Variants in SEMA4B observed in about 807,000 individuals in gnomAD.
The protein encoded by SEMA4B is semaphorin 4B, also known as semaphorin-4B.
Under a neutral mutation model 88.1 loss-of-function variants are expected in SEMA4B, and 55 were observed. The ratio of observed to expected loss-of-function variants is 0.62; its 90% CI spans 0.50 to 0.78. SEMA4B has a LOEUF of 0.78. Ranked by LOEUF, SEMA4B falls within the 30% of genes least tolerant of loss-of-function variation. The pLI, the probability that SEMA4B is intolerant of heterozygous loss-of-function variation, is 0.00. For synonymous variants in SEMA4B, 525 were observed against 473.6 expected, an observed-to-expected ratio of 1.11 and a Z score of -1.41; for missense variants, 1,062 against 1,111.9, an observed-to-expected ratio of 0.96 and a Z score of 0.64.
Position 90,206,422 on chromosome 15 carries a change from C to T in SEMA4B, c.157+4687C>T, listed in dbSNP as rs192381480. ...CCCTCCTCTTCACATTCTGACCTCCCTGTGCTGGATGTGGGACAGCTATCC... is the reference window on the plus strand; with the variant it reads ...CCCTCCTCTTCACATTCTGACCTCCTTGTGCTGGATGTGGGACAGCTATCC... On this transcript the variant is annotated intron_variant, in intron 1 of 13. Coordinates refer to ENST00000411539, the MANE Select transcript of SEMA4B (RefSeq NM_198925.4). The T allele has an allele frequency of 3.0e-4, 59 of 194,816 alleles. No homozygotes were observed. In the East Asian group the frequency reaches 7.1e-3, roughly 23 times the overall value. The allele number at this position is 194,816 out of a possible 1,614,324, so 12.1% of individuals were successfully genotyped here. A position where few individuals can be genotyped will look rare whatever the true frequency, so the allele number is the denominator to read the frequency against.
rs576507204 is a variant in SEMA4B, at chr15:90,211,663, G to A, written c.158-5776G>A. Among the ~76,000 whole-genome samples, 23 of 152,304 alleles carry A rather than the reference G, an allele frequency of 1.5e-4. No individual in the cohort carries two copies. In the East Asian group the frequency reaches 4.3e-3, roughly 28 times the overall value. ...CCCTGGAGGTGGGGCTGCTGCTGGGGTAAGTGGGTCCAAGGTTCTGGTGAC... is the reference window on the plus strand; with the variant it reads ...CCCTGGAGGTGGGGCTGCTGCTGGGATAAGTGGGTCCAAGGTTCTGGTGAC... On this transcript the variant is annotated intron_variant, in intron 1 of 13. Coordinates refer to ENST00000411539, the MANE Select transcript of SEMA4B (RefSeq NM_198925.4).
intron 11 of SEMA4B, 74 bp downstream of exon 11, chr15:90,225,471 C>G: frequency 7.2e-7 from 1 of 1,393,762 alleles, no homozygotes; most frequent in Non-Finnish European, 9.9e-7. Flanking sequence ...AGTCCCCACC[C>G]AGCTTCTCCT....
At chr15:90,221,154 G>T in intron 5 of SEMA4B, 61 bp downstream of exon 5, 1 of 1,292,358 alleles carries the variant, frequency 7.7e-7, no homozygotes, top group Non-Finnish European at 1.1e-6. Flanking sequence ...CAGGGCTAGA[G>T]GGCTAGCTTT....
At chr15:90,187,543 G>C (rs1011946187) in intron 1 of SEMA4B, among the ~76,000 whole-genome samples, 1 of 152,184 alleles carries the variant, frequency 6.6e-6, no homozygotes, top group African/African-American at 2.4e-5. Flanking sequence ...GCAGCATAAT[G>C]AGGTCCTAAT....
chr15:90,217,195 A>G (rs959999093), intron 1 of SEMA4B: 28 of 393,840 alleles, frequency 7.1e-5, no homozygotes, highest in Non-Finnish European at 1.1e-4. Context: ...TTTTTTATTA[A>G]TGTGAAGGGT....
chr15:90,214,824 C>G, intron 1 of SEMA4B: 1 of 341,394 alleles, frequency 2.9e-6, no homozygotes, highest in Non-Finnish European at 5.6e-6. Flanking sequence ...ATTTTTACTT[C>G]CTTGCTGATG....
chr15:90,222,446 T>C (rs1961910015), intron 7 of SEMA4B, among the ~76,000 whole-genome samples: 1 of 151,576 alleles, frequency 6.6e-6, no homozygotes, highest in Non-Finnish European at 1.5e-5. Flanking sequence ...GGTGCACGCC[T>C]GTAATCCTAG....
upstream of SEMA4B, among the ~76,000 whole-genome samples, chr15:90,200,953 G>C (rs1451676522): frequency 6.6e-6 from 1 of 152,236 alleles, no homozygotes; most frequent in African/African-American, 2.4e-5. Context: ...CCAGGAGCAA[G>C]AGCGGAGGGG....
intron 7 of SEMA4B, among the ~76,000 whole-genome samples, chr15:90,222,903 A>G (rs1961933742): frequency 6.6e-6 from 1 of 150,738 alleles, no homozygotes; most frequent in South Asian, 2.1e-4. Context: ...ATCATTTTAG[A>G]ATGCCCCCTC....
rs569008489 is a variant in SEMA4B, at chr15:90,203,038, C to T, written c.157+1303C>T. ...TAAAGTTTCTGGGTCTTGATTTCTT[C>T]ATCTGTAAAACAGGTATAATAACAG... On this transcript the variant is annotated intron_variant, in intron 1 of 13. Coordinates refer to ENST00000411539, the MANE Select transcript of SEMA4B (RefSeq NM_198925.4). Among the ~76,000 whole-genome samples the T allele has an allele frequency of 2.6e-5, 4 of 152,306 alleles. No homozygotes were observed. The South Asian group carries it at 8.3e-4, about 32-fold the overall frequency.
At chr15:90,226,098 G>A (rs74037035) in intron 12 of SEMA4B, among the ~76,000 whole-genome samples, 4,152 of 152,250 alleles carry the variant, frequency 0.027, 182 homozygotes, top group African/African-American at 0.09. Context: ...GTGGATTAGC[G>A]TGTGAACGTG....
intron 1 of SEMA4B, among the ~76,000 whole-genome samples, chr15:90,192,919 T>C (rs1960387537): frequency 6.6e-6 from 1 of 152,118 alleles, no homozygotes; most frequent in Non-Finnish European, 1.5e-5. Flanking sequence ...TGGATTCCTA[T>C]ACACATTCTT....
upstream of SEMA4B, among the ~76,000 whole-genome samples, chr15:90,199,807 A>C (rs1960637718): frequency 6.6e-6 from 1 of 151,832 alleles, no homozygotes; most frequent in African/African-American, 2.4e-5. Context: ...GCCTGGGCAA[A>C]AGAGCAAGAC....
intron 2 of SEMA4B, 75 bp from the exon 3 acceptor site, chr15:90,217,692 G>A (rs1467778853): frequency 3.7e-6 from 6 of 1,603,340 alleles, no homozygotes; most frequent in Non-Finnish European, 5.1e-6. Context: ...GTCCAAGGAT[G>A]ATGCCTATGG....
At chr15:90,211,552 A>G (rs982772356) in intron 1 of SEMA4B, among the ~76,000 whole-genome samples, 1 of 152,166 alleles carries the variant, frequency 6.6e-6, no homozygotes, top group Non-Finnish European at 1.5e-5. Context: ...GCCCTGCCCA[A>G]CACGGGCCGT....
upstream of SEMA4B, among the ~76,000 whole-genome samples, chr15:90,197,235 C>G (rs1960538606): frequency 6.6e-6 from 1 of 151,786 alleles, no homozygotes. Flanking sequence ...AAAAAAATTA[C>G]AAAAATTATC....
intron 4 of SEMA4B, 103 bp from the exon 5 acceptor site, chr15:90,220,879 C>T (rs1003332722): frequency 2.7e-6 from 2 of 729,120 alleles, no homozygotes; most frequent in Non-Finnish European, 4.9e-6. Flanking sequence ...CACACCTCAC[C>T]TGCCTGCAGA....
At chr15:90,201,122 G>C (rs1960689947), upstream of SEMA4B, among the ~76,000 whole-genome samples, 1 of 152,150 alleles carries the variant, frequency 6.6e-6, no homozygotes, top group African/African-American at 2.4e-5. Flanking sequence ...GAGGGTCTGA[G>C]CAGTGGGGGC....
At chr15:90,210,429 C>T (rs934788565) in intron 1 of SEMA4B, among the ~76,000 whole-genome samples, 5 of 152,228 alleles carry the variant, frequency 3.3e-5, no homozygotes, top group African/African-American at 9.6e-5. Flanking sequence ...GGGCCAGGAG[C>T]AGACAGACCT....
Sources: allele counts gnomAD v4.1 joint callset (sites outside exome capture counted in the v4.1 genomes callset), GRCh38; gene constraint gnomAD v4.1.1; transcripts MANE v1.5; gene names NCBI Gene and HGNC (gene_info 2026-07-23, HGNC 2026-07-21).